CA5B: variants seen among roughly 807,000 people sequenced by gnomAD.
CA5B encodes the protein carbonic anhydrase 5B, mitochondrial.
In CA5B, 15 loss-of-function variants were observed where a neutral mutation model predicts 23.1. The ratio of observed to expected loss-of-function variants is 0.65; its 90% CI spans 0.43 to 1.00. The LOEUF is 1.00. CA5B is among the 50% of genes least tolerant of loss of function. CA5B has a pLI of 0.00. For synonymous variants in CA5B, 84 were observed against 98.5 expected (o/e 0.85, Z 0.87); for missense variants, 236 against 252.2 (o/e 0.94, Z 0.43).
Position 15,764,540 on chromosome X carries a change from C to T in CA5B, c.143-38C>T, listed in dbSNP as rs191793517. On this transcript the variant is annotated intron_variant, in intron 2 of 7. Coordinates refer to ENST00000318636, the MANE Select transcript of CA5B (RefSeq NM_007220.4). ...TAGGAGTGAGCCACTGCACTCGGTCCAACAGTCTTGATAATAGGCTGACCT... is the reference window on the plus strand; with the variant it reads ...TAGGAGTGAGCCACTGCACTCGGTCTAACAGTCTTGATAATAGGCTGACCT... 1.4e-3 allele frequency: 1,741 copies of T among 1,205,181 alleles called. 3 individuals carry two copies. Among genetic ancestry groups the T allele is most frequent in the South Asian group, 3.4e-3 (190 of 56,137 alleles).
rs778294127 is a variant in CA5B, at chrX:15,767,938, G to A, written c.340+3163G>A. On this transcript the variant is annotated intron_variant, in intron 3 of 7. Coordinates refer to ENST00000318636, the MANE Select transcript of CA5B (RefSeq NM_007220.4). ...TTTTGAGATGGTGTCTCACTCTGTC[G>A]CCCAGGCTGGAGTGCAGTGGCGTGA... Among the ~76,000 whole-genome samples the A allele has an allele frequency of 3.6e-3, 299 of 84,143 alleles. 2 individuals are homozygous for A. The highest frequency in any genetic ancestry group is 0.013 in the African/African-American group (270 of 20,344). The allele number at this position is 84,143 out of a possible 115,157, so 73.1% of individuals were successfully genotyped here. A position where few individuals can be genotyped will look rare whatever the true frequency, so the allele number is the denominator to read the frequency against.
intron 2 of CA5B, among the ~76,000 whole-genome samples, chrX:15,756,406 A>C (rs1421537984): frequency 1.8e-5 from 2 of 112,676 alleles, no homozygotes; most frequent in African/African-American, 6.4e-5. Flanking sequence ...ATGGGCTTGG[A>C]GTTGACACAG....
chrX:15,751,539 C>CT (rs397895591), intron 2 of CA5B, among the ~76,000 whole-genome samples: 3,400 of 97,703 alleles, frequency 0.035, 134 homozygotes, highest in African/African-American at 0.11. Flanking sequence ...AATAGTTTTG[C>CT]TTTTTTTTTT....
At chrX:15,739,809 G>T (rs1006830587) in intron 1 of CA5B, among the ~76,000 whole-genome samples, 1 of 111,724 alleles carries the variant, frequency 9.0e-6, no homozygotes, top group Non-Finnish European at 1.9e-5. Context: ...GGGAAGCTGA[G>T]CTTTCTCAGT....
rs1321792531 is a variant in CA5B at position 15,784,069 on chromosome X, G to A, written c.*1405G>A. ...CGCCCAGCTAATTTTTGTATTTTTAGTAGAGATGGGGTTTCACTATGTTGG... is the reference window on the plus strand; with the variant it reads ...CGCCCAGCTAATTTTTGTATTTTTAATAGAGATGGGGTTTCACTATGTTGG... On this transcript the variant is annotated 3_prime_UTR_variant, in exon 8 of 8. Coordinates refer to ENST00000318636, the MANE Select transcript of CA5B (RefSeq NM_007220.4). The A allele has an allele frequency of 3.7e-5, 4 of 108,696 alleles. No homozygotes were observed. Among genetic ancestry groups the A allele is most frequent in the Non-Finnish European group, 7.6e-5 (4 of 52,314 alleles). The allele number at this position is 108,696 out of a possible 1,213,427, so 9.0% of individuals were successfully genotyped here.
In CA5B at chrX:15,776,338, C is replaced by CAA. The variant is rs1204466142; in HGVS notation, c.619-358_619-357dup. ...TGGGCGACAGAGCGAGACTCTGTCT[C>CAA]AAAAAAAAAAAAAAAAAAAGAAAAA... On this transcript the variant is annotated intron_variant, in intron 6 of 7. Coordinates refer to ENST00000318636, the MANE Select transcript of CA5B (RefSeq NM_007220.4). Among the ~76,000 whole-genome samples, 212 of 43,397 alleles carry CAA rather than the reference C, an allele frequency of 4.9e-3. 2 individuals are homozygous for CAA. The highest frequency in any genetic ancestry group is 0.015 in the Middle Eastern group (1 of 68). The allele number at this position is 43,397 out of a possible 115,157, so 37.7% of individuals were successfully genotyped here. A position where few individuals can be genotyped will look rare whatever the true frequency, so the allele number is the denominator to read the frequency against.
intron 7 of CA5B, among the ~76,000 whole-genome samples, chrX:15,781,721 T>C (rs912069750): frequency 1.8e-5 from 2 of 111,001 alleles, no homozygotes; most frequent in African/African-American, 6.6e-5. Flanking sequence ...AAGACCAGCC[T>C]GGGCTGAACA....
intron 2 of CA5B, chrX:15,763,017 A>G (rs1002162503): frequency 1.0e-5 from 3 of 287,690 alleles, no homozygotes; most frequent in Admixed American, 4.0e-5. Flanking sequence ...AGGATAAATT[A>G]TATGTGTACA....
chrX:15,775,813 T>C, intron 6 of CA5B: 2 of 735,997 alleles, frequency 2.7e-6, no homozygotes, highest in South Asian at 1.4e-4. Flanking sequence ...CTCCCTCTCA[T>C]CCCCCACTGT....
chrX:15,741,171 G>C (rs1390377877), intron 1 of CA5B, among the ~76,000 whole-genome samples: 1 of 104,496 alleles, frequency 9.6e-6, no homozygotes, highest in African/African-American at 3.5e-5. Flanking sequence ...GGGTTCAAGT[G>C]ATTCTCCTGC....
At position 15,788,376 on chromosome X, in the gene CA5B, C is replaced by T. The variant is rs1172089144; in HGVS notation, c.*5712C>T. The T allele has an allele frequency of 1.8e-5, 2 of 111,884 alleles. No homozygotes were observed. The highest frequency in any genetic ancestry group is 3.8e-5 in the Non-Finnish European group (2 of 53,233). 9.2% of individuals were successfully genotyped at this position (111,884 alleles called of 1,213,427 possible). A position where few individuals can be genotyped will look rare whatever the true frequency, so the allele number is the denominator to read the frequency against. ...TCAGCATATAACATGGCTTATCTTACTCAGTTTTCACAATAAAAGGGTTAT... is the reference window on the plus strand; with the variant it reads ...TCAGCATATAACATGGCTTATCTTATTCAGTTTTCACAATAAAAGGGTTAT... On this transcript the variant is annotated 3_prime_UTR_variant, in exon 8 of 8. Coordinates refer to ENST00000318636, the MANE Select transcript of CA5B (RefSeq NM_007220.4).
chrX:15,747,786 G>A (rs772291488), intron 1 of CA5B, among the ~76,000 whole-genome samples: 13 of 111,607 alleles, frequency 1.2e-4, no homozygotes, highest in Admixed American at 1.9e-4. Flanking sequence ...TAATGACGCG[G>A]CTTTGTTTTC....
chrX:15,772,738 G>C, intron 4 of CA5B, 124 bp downstream of exon 4: 1 of 412,222 alleles, frequency 2.4e-6, no homozygotes, highest in East Asian at 3.8e-5. Flanking sequence ...TTCTCAGGCA[G>C]TTTTGATCAT....
chrX:15,770,834 C>G (rs766980578), intron 3 of CA5B, among the ~76,000 whole-genome samples: 8 of 109,460 alleles, frequency 7.3e-5, no homozygotes, highest in African/African-American at 2.7e-4. Context: ...GTGGCGTGAT[C>G]TTGGCTCACT....
intron 2 of CA5B, among the ~76,000 whole-genome samples, chrX:15,757,823 T>TTTGGG (rs779818856): frequency 9.2e-6 from 1 of 109,221 alleles, no homozygotes; most frequent in South Asian, 3.9e-4. Context: ...AACACCAGAG[T>TTTGGG]TTGGGAAGAA....
chrX:15,779,622 G>C (rs1452786400), intron 7 of CA5B, among the ~76,000 whole-genome samples: 1 of 111,772 alleles, frequency 8.9e-6, no homozygotes, highest in Non-Finnish European at 1.9e-5. Flanking sequence ...TAATTGAGCA[G>C]GCATTTGGGG....
rs113366340 is a variant in CA5B at position 15,782,880 on chromosome X, C to CTT, written c.*225_*226dup. 9.8e-6 allele frequency: 3 copies of CTT among 305,925 alleles called. No individual in the cohort carries two copies. Among genetic ancestry groups the CTT allele is most frequent in the Non-Finnish European group, 1.7e-5 (3 of 177,162 alleles). The allele number at this position is 305,925 out of a possible 1,213,427, so 25.2% of individuals were successfully genotyped here. On this transcript the variant is annotated 3_prime_UTR_variant, in exon 8 of 8. Coordinates refer to ENST00000318636, the MANE Select transcript of CA5B (RefSeq NM_007220.4). The stretch of plus-strand genomic sequence containing the variant: ...AGATACCTGTTGGTAATTGTAATGC[C>CTT]TTTTTTTTTTCTTTAAGAGACTAGG...
chrX:15,740,172 T>C (rs1176858587), intron 1 of CA5B, among the ~76,000 whole-genome samples: 1 of 111,901 alleles, frequency 8.9e-6, no homozygotes, highest in Non-Finnish European at 1.9e-5. Context: ...AAATCATCAG[T>C]GATGGCAAAG....
rs1198271518 is a variant in CA5B, at chrX:15,784,188, T to G, written c.*1524T>G. On this transcript the variant is annotated 3_prime_UTR_variant, in exon 8 of 8. Transcript: ENST00000318636. ...CAGGCGTGAGCCACCGTGCCCGGCC[T>G]TCCAGAAATATTTTTCAAAGGACTA... 10 of 112,445 alleles carry G rather than the reference T, an allele frequency of 8.9e-5. No individual in the cohort carries two copies. Among genetic ancestry groups the G allele is most frequent in the Non-Finnish European group, 3.8e-5 (2 of 53,242 alleles). The allele number at this position is 112,445 out of a possible 1,213,427, so 9.3% of individuals were successfully genotyped here.
Sources: gnomAD v4.1 joint callset for allele counts (sites outside exome capture counted in the v4.1 genomes callset) on GRCh38, gnomAD v4.1.1 for gene constraint, MANE v1.5 for transcripts, NCBI Gene and HGNC (gene_info 2026-07-23, HGNC 2026-07-21) for gene names.